ASB1: variants seen among roughly 807,000 people sequenced by gnomAD.
ASB1 encodes the protein ankyrin repeat and SOCS box protein 1.
A neutral mutation model predicts 27.7 loss-of-function variants in ASB1; 18 were observed. That is an observed-to-expected ratio of 0.65 (90% confidence interval 0.45 to 0.96). The LOEUF is 0.96. ASB1 is among the 50% of genes least tolerant of loss of function. The pLI is 0.00. For synonymous variants in ASB1, 189 were observed against 187.6 expected, an observed-to-expected ratio of 1.01 and a Z score of -0.06; for missense variants, 397 against 451.7, an observed-to-expected ratio of 0.88 and a Z score of 1.10.
intron 3 of ASB1, 28 bp downstream of exon 3, chr2:238,436,041 C>A: frequency 6.5e-7 from 1 of 1,534,206 alleles, no homozygotes; most frequent in Non-Finnish European, 8.7e-7. Context: ...CGCCTGGCTC[C>A]TGCAGCCACT....
At chr2:238,438,696 A>G (rs970883991) in intron 3 of ASB1, among the ~76,000 whole-genome samples, 1 of 152,226 alleles carries the variant, frequency 6.6e-6, no homozygotes, top group African/African-American at 2.4e-5. Context: ...GTTTTCTGGA[A>G]ATAACTTAGC....
rs562070640 is a variant in ASB1 at position 238,439,513 on chromosome 2, G to A, written c.494+3500G>A. 2.0e-5 allele frequency among the ~76,000 whole-genome samples: 3 copies of A among 152,282 alleles called. No individual in the cohort carries two copies. In the East Asian group the frequency reaches 5.8e-4, roughly 29 times the overall value. ...GCGGCATGGAAGGTGACGCAGTTCT[G>A]TCCTCCCTGCACCCTGCGTGTTCTG... is the stretch of plus-strand genomic sequence containing the variant. On this transcript the variant is annotated intron_variant, in intron 3 of 4. Transcript: ENST00000264607.
intron 3 of ASB1, among the ~76,000 whole-genome samples, chr2:238,442,106 T>C (rs888684340): frequency 6.6e-6 from 1 of 151,934 alleles, no homozygotes; most frequent in Non-Finnish European, 1.5e-5. Context: ...CATTTGTAGC[T>C]GTCCATCTCT....
At position 238,451,316 on chromosome 2, in the gene ASB1, C is replaced by CTTT. The variant is rs1322714196; in HGVS notation, c.*4809_*4811dup. 2 of 152,196 alleles carry CTTT rather than the reference C, an allele frequency of 1.3e-5. No homozygotes were observed. The highest frequency in any genetic ancestry group is 6.5e-5 in the Admixed American group (1 of 15,284). 9.4% of individuals were successfully genotyped at this position (152,196 alleles called of 1,614,324 possible). On this transcript the variant is annotated 3_prime_UTR_variant, in exon 5 of 5. Transcript: ENST00000264607. ...GTGCCTGGATTGCAGGCGAGTCTCT[C>CTTT]TTTTTTATGTTGCTTTGATTTCAAG... is the stretch of plus-strand genomic sequence containing the variant.
At position 238,451,182 on chromosome 2, in the gene ASB1, T is replaced by C. The variant is rs891894310; in HGVS notation, c.*4671T>C. On this transcript the variant is annotated 3_prime_UTR_variant, in exon 5 of 5. Transcript: ENST00000264607. ...GGAGAGGAATGTGCAGATTTTGAAGTGTACAGTGATGTGTGGAATAAATAC... is the reference window on the plus strand; with the variant it reads ...GGAGAGGAATGTGCAGATTTTGAAGCGTACAGTGATGTGTGGAATAAATAC... 4.6e-5 allele frequency: 7 copies of C among 152,110 alleles called. No homozygotes were observed. Among genetic ancestry groups the C allele is most frequent in the African/African-American group, 1.4e-4 (6 of 41,414 alleles). 9.4% of individuals were successfully genotyped at this position (152,110 alleles called of 1,614,324 possible). A position where few individuals can be genotyped will look rare whatever the true frequency, so the allele number is the denominator to read the frequency against.
At chr2:238,441,510 C>T (rs1464309938) in intron 3 of ASB1, among the ~76,000 whole-genome samples, 2 of 152,134 alleles carry the variant, frequency 1.3e-5, no homozygotes, top group East Asian at 1.9e-4. Flanking sequence ...AGTAGATAAC[C>T]ATTTAAAAAG....
intron 1 of ASB1, among the ~76,000 whole-genome samples, chr2:238,428,667 G>C (rs770071426): frequency 1.3e-5 from 2 of 152,206 alleles, no homozygotes; most frequent in Non-Finnish European, 2.9e-5. Context: ...GGGTAGAGGG[G>C]CAACAGATTT....
Position 238,446,614 on chromosome 2 carries a change from T to A in ASB1, c.*103T>A, listed in dbSNP as rs573683706. On this transcript the variant is annotated 3_prime_UTR_variant, in exon 5 of 5. Transcript: ENST00000264607. ...GCTGCTGCTGGTCTCCTGATGGCTG[T>A]TGCTGCAGAAGATGTCCTCGTAGAC... 1.7e-4 allele frequency: 255 copies of A among 1,459,196 alleles called. 3 individuals carry two copies. The South Asian group carries it at 2.8e-3, about 16-fold the overall frequency. 90.4% of individuals were successfully genotyped at this position (1,459,196 alleles called of 1,614,324 possible).
intron 1 of ASB1, among the ~76,000 whole-genome samples, chr2:238,428,282 C>T (rs753179683): frequency 2.6e-5 from 4 of 152,154 alleles, no homozygotes; most frequent in Non-Finnish European, 4.4e-5. Flanking sequence ...CTGGCTTTGT[C>T]GGCTGCACAG....
chr2:238,427,303 C>T, intron 1 of ASB1, 184 bp downstream of exon 1: 2 of 392,346 alleles, frequency 5.1e-6, no homozygotes, highest in Middle Eastern at 6.6e-4. Flanking sequence ...GCGACCCCAC[C>T]ACGGACGCGC....
Position 238,444,604 on chromosome 2 carries a change from G to C in ASB1, c.757G>C (p.Val253Leu). ...GCGCCACGGCTGTGAGGCAGCCTTC[G>C]TGAGCCTGCTGGTAGAATTTGGAGC... ...VLRHGCEAAF[V>L]SLLVEFGANL... The change falls in exon 4 of 5, where the codon GTG becomes CTG. Residue 253 changes from valine (V) to leucine (L), a missense_variant. Transcript: ENST00000264607. 2 of 1,614,180 alleles carry C rather than the reference G, an allele frequency of 1.2e-6. No homozygotes were observed. Among genetic ancestry groups the C allele is most frequent in the African/African-American group, 1.3e-5 (1 of 75,040 alleles).
At position 238,427,078 on chromosome 2, in the gene ASB1, AG is replaced by A; in HGVS notation, c.11del (p.Gly4AlafsTer17). 1 of 1,263,454 alleles carries A rather than the reference AG, an allele frequency of 7.9e-7. No homozygotes were observed. Among genetic ancestry groups the A allele is most frequent in the African/African-American group, 1.5e-5 (1 of 64,524 alleles). 78.3% of individuals were successfully genotyped at this position (1,263,454 alleles called of 1,614,324 possible). On this transcript the variant is annotated frameshift_variant, in exon 1 of 5. Transcript: ENST00000264607. LOFTEE classifies it high-confidence loss of function. MAEGGSPDGRAGP... is the reference protein window; with the variant it reads MAXGGSPDGRAGP... The stretch of plus-strand genomic sequence containing the variant: ...GCGGAGGCGGAAGCATCCATGGCGG[AG>A]GGCGGCAGCCCAGACGGGCGGGCAG...
chr2:238,446,826 T>C lies in ASB1; in HGVS notation c.*315T>C, dbSNP rs1169747456. ...GAGGTTGGAGGCCTACTAATTTCCCTGTAGGGAAGACTCCCAGCACTTCTG... is the reference window on the plus strand; with the variant it reads ...GAGGTTGGAGGCCTACTAATTTCCCCGTAGGGAAGACTCCCAGCACTTCTG... On this transcript the variant is annotated 3_prime_UTR_variant, in exon 5 of 5. Coordinates refer to ENST00000264607, the MANE Select transcript of ASB1 (RefSeq NM_001040445.3). 3.5e-6 allele frequency: 1 copy of C among 287,068 alleles called. No individual in the cohort carries two copies. The highest frequency in any genetic ancestry group is 6.6e-6 in the Non-Finnish European group (1 of 152,648). 17.8% of individuals were successfully genotyped at this position (287,068 alleles called of 1,614,324 possible). A position where few individuals can be genotyped will look rare whatever the true frequency, so the allele number is the denominator to read the frequency against.
Position 238,426,969 on chromosome 2 carries a change from C to A in ASB1, c.-102C>A. On this transcript the variant is annotated 5_prime_UTR_variant, in exon 1 of 5. Transcript: ENST00000264607. ...CCCGCCGGAAGCCGCGACCCCGACG[C>A]GCCCCCCATTGCCCTCGGCGCCGGA... 2.1e-6 allele frequency: 2 copies of A among 956,738 alleles called. No homozygotes were observed. The highest frequency in any genetic ancestry group is 1.7e-5 in the African/African-American group (1 of 58,940). 59.3% of individuals were successfully genotyped at this position (956,738 alleles called of 1,614,324 possible). A position where few individuals can be genotyped will look rare whatever the true frequency, so the allele number is the denominator to read the frequency against.
At position 238,446,469 on chromosome 2, in the gene ASB1, G is replaced by A. The variant is rs1702182380; in HGVS notation, c.966G>A (p.Leu322=). 2.5e-6 allele frequency: 4 copies of A among 1,614,176 alleles called. No homozygotes were observed. The highest frequency in any genetic ancestry group is 3.4e-6 in the Non-Finnish European group (4 of 1,180,032). ...ACCGGCTTCATCTGATTCCTTCGCTGCCTCTGCCAGACCCCATAAAGAAGT... is the reference window on the plus strand; with the variant it reads ...ACCGGCTTCATCTGATTCCTTCGCTACCTCTGCCAGACCCCATAAAGAAGT... ...GKHRLHLIPS[L]PLPDPIKKFL... Residue 322 remains leucine (L), a synonymous_variant, in exon 5 of 5, where the codon CTG becomes CTA. Transcript: ENST00000264607.
intron 1 of ASB1, among the ~76,000 whole-genome samples, chr2:238,430,691 G>A (rs371096073): frequency 6.6e-6 from 1 of 152,348 alleles, no homozygotes; most frequent in Non-Finnish European, 1.5e-5. Flanking sequence ...CTGACAAAAT[G>A]TATTAAATGA....
intron 1 of ASB1, 188 bp downstream of exon 1, chr2:238,427,307 G>A (rs1701776687): frequency 2.6e-6 from 1 of 390,124 alleles, no homozygotes; most frequent in Admixed American, 4.5e-5. Flanking sequence ...CCCCACCACG[G>A]ACGCGCTGCC....
intron 1 of ASB1, chr2:238,433,329 T>G (rs1377694221): frequency 5.9e-6 from 3 of 506,498 alleles, no homozygotes; most frequent in Non-Finnish European, 1.1e-5. Context: ...TATTGCTGTG[T>G]TGCCCAGGCT....
chr2:238,433,987 G>T (rs1701919779), intron 2 of ASB1, among the ~76,000 whole-genome samples: 1 of 152,128 alleles, frequency 6.6e-6, no homozygotes, highest in African/African-American at 2.4e-5. Flanking sequence ...ACTCCTGAAG[G>T]TACCACTGTT....
Sources: allele counts gnomAD v4.1 joint callset (sites outside exome capture counted in the v4.1 genomes callset), GRCh38; gene constraint gnomAD v4.1.1; transcripts MANE v1.5; gene names NCBI Gene and HGNC (gene_info 2026-07-23, HGNC 2026-07-21).